The following JAKMIP3 variants were observed in gnomAD, a reference collection of about 807,000 sequenced individuals.
JAKMIP3 encodes the protein janus kinase and microtubule-interacting protein 3.
JAKMIP3 carries 58 observed loss-of-function variants against 118.5 expected under a neutral mutation model. That is an observed-to-expected ratio of 0.49 (90% CI 0.40 to 0.61). JAKMIP3 has a LOEUF of 0.61. Ranked by LOEUF, JAKMIP3 falls within the 20% of genes least tolerant of loss-of-function variation. JAKMIP3 has a pLI of 0.00. For synonymous variants in JAKMIP3, 486 were observed against 451.2 expected (o/e 1.08, Z -0.98); for missense variants, 950 against 1,109.0 (o/e 0.86, Z 2.04).
At chr10:132,041,851 T>A (rs1297681393) in intron 1 of JAKMIP3, among the ~76,000 whole-genome samples, 2 of 152,022 alleles carry the variant, frequency 1.3e-5, no homozygotes, top group Non-Finnish European at 2.9e-5. Context: ...TTTCTTTTCT[T>A]TCTTTTTTCT....
At chr10:132,150,141 C>A in intron 16 of JAKMIP3, 100 bp downstream of exon 16, 1 of 883,944 alleles carries the variant, frequency 1.1e-6, no homozygotes, top group Non-Finnish European at 1.7e-6. Context: ...CACAGCCCTG[C>A]CATGGGCCAC....
At chr10:132,162,665 T>C (rs1245714890) in intron 19 of JAKMIP3, among the ~76,000 whole-genome samples, 2 of 152,060 alleles carry the variant, frequency 1.3e-5, no homozygotes, top group African/African-American at 4.8e-5. Context: ...AGAATTTGTT[T>C]TTTACAAAGA....
Position 132,049,121 on chromosome 10 carries a change from C to G in JAKMIP3, c.-138+12383C>G, listed in dbSNP as rs138714309. The stretch of plus-strand genomic sequence containing the variant: ...TGCCTGGAAGCCTTGAGGATTTTAT[C>G]TTTAGCTCTGAAATGGAATAGTTTC... On this transcript the variant is annotated intron_variant, in intron 1 of 23. Transcript: ENST00000657785. This position sits in a 1 kb window ranked among gnomAD's most constrained non-coding sequence, Gnocchi z 4.3. Among the ~76,000 whole-genome samples, 293 of 152,252 alleles carry G rather than the reference C, an allele frequency of 1.9e-3. No homozygotes were observed. Among genetic ancestry groups the G allele is most frequent in the Admixed American group, 4.3e-3 (65 of 15,292 alleles).
At position 132,118,430 on chromosome 10, in the gene JAKMIP3, A is replaced by G. The variant is rs1243034069; in HGVS notation, c.633+856A>G. On this transcript the variant is annotated intron_variant, in intron 3 of 23. Coordinates refer to ENST00000684848, the MANE Select transcript of JAKMIP3 (RefSeq NM_001323087.2). This position sits in a 1 kb window ranked among gnomAD's most constrained non-coding sequence, Gnocchi z 4.8. ...GCGTGCCCCAGCCCTGTGCCTCTTC[A>G]GGACCCGGAGCCCCGGGCACCTTGG... Among the ~76,000 whole-genome samples, 3 of 152,304 alleles carry G rather than the reference A, an allele frequency of 2.0e-5. No individual in the cohort carries two copies. The highest frequency in any genetic ancestry group is 4.8e-5 in the African/African-American group (2 of 41,572).
intron 19 of JAKMIP3, among the ~76,000 whole-genome samples, chr10:132,156,230 C>A (rs2057077194): frequency 6.6e-6 from 1 of 152,190 alleles, no homozygotes; most frequent in Non-Finnish European, 1.5e-5. Context: ...AGTCTCTGTC[C>A]CCCGAAGCTT....
chr10:132,067,603 G>GACTGTGGGCTTCCGTGTGT (rs200850427), intron 1 of JAKMIP3, among the ~76,000 whole-genome samples: 1 of 146,970 alleles, frequency 6.8e-6, no homozygotes, highest in Admixed American at 6.7e-5. Context: ...CTTCCGTGTG[G>GACTGTGGGCTTCCGTGTGT]ACTGTGGGCT....
At chr10:132,066,850 T>C (rs4880318) in intron 1 of JAKMIP3, among the ~76,000 whole-genome samples, 116,216 of 152,090 alleles carry the variant, frequency 0.76, 45,116 homozygotes, top group East Asian at 1. Flanking sequence ...TGGCAGTACG[T>C]TGTTGTACTG....
chr10:132,146,706 G>A (rs1380919088), intron 13 of JAKMIP3, among the ~76,000 whole-genome samples: 5 of 152,224 alleles, frequency 3.3e-5, no homozygotes, highest in Non-Finnish European at 5.9e-5. Flanking sequence ...TGCAGACTCT[G>A]CACTGCTGCC....
chr10:132,165,949 G>T (rs1368162381), intron 21 of JAKMIP3, among the ~76,000 whole-genome samples: 2 of 152,256 alleles, frequency 1.3e-5, no homozygotes, highest in Admixed American at 1.3e-4. Context: ...TGGAGCCTCA[G>T]AGGGCAAAGC....
chr10:132,165,367 C>T (rs2058790534), intron 21 of JAKMIP3, among the ~76,000 whole-genome samples: 1 of 152,196 alleles, frequency 6.6e-6, no homozygotes, highest in Non-Finnish European at 1.5e-5. Flanking sequence ...AGCGCTTGTT[C>T]TCCCACGTGG....
chr10:132,043,309 A>T (rs986936639), intron 1 of JAKMIP3, among the ~76,000 whole-genome samples: 3 of 151,958 alleles, frequency 2.0e-5, no homozygotes, highest in African/African-American at 7.3e-5. Context: ...GGCTCAAGTG[A>T]TCCTCCCACC....
At chr10:132,137,379 C>T in intron 8 of JAKMIP3, 90 bp downstream of exon 8, 8 of 1,518,842 alleles carry the variant, frequency 5.3e-6, no homozygotes, top group Non-Finnish European at 7.3e-6. Context: ...TCCTCACAGA[C>T]CAGACAGAAG....
At chr10:132,134,644 G>C (rs528309140) in intron 4 of JAKMIP3, among the ~76,000 whole-genome samples, 1 of 152,210 alleles carries the variant, frequency 6.6e-6, no homozygotes, top group Non-Finnish European at 1.5e-5. Context: ...AAGGGGCAGC[G>C]GCAGGGGCCA....
chr10:132,172,364 G>A (rs2059575303), intron 23 of JAKMIP3, among the ~76,000 whole-genome samples: 1 of 152,068 alleles, frequency 6.6e-6, no homozygotes. Flanking sequence ...GGTCTCCACT[G>A]AGAAGGAGTC....
At chr10:132,148,129 GC>G in intron 14 of JAKMIP3, 79 bp downstream of exon 14, 1 of 802,448 alleles carries the variant, frequency 1.2e-6, no homozygotes, top group South Asian at 1.6e-5. Flanking sequence ...CCCACACAAA[GC>G]CCTGAACATG....
intron 3 of JAKMIP3, among the ~76,000 whole-genome samples, chr10:132,126,251 C>T (rs1355045498): frequency 6.6e-6 from 1 of 151,776 alleles, no homozygotes; most frequent in Non-Finnish European, 1.5e-5. Flanking sequence ...ATGTTAGCTG[C>T]AGGTTGGTTG....
intron 1 of JAKMIP3, among the ~76,000 whole-genome samples, chr10:132,093,300 A>G (rs2134465517): frequency 6.6e-6 from 1 of 152,332 alleles, no homozygotes; most frequent in Middle Eastern, 3.4e-3. Flanking sequence ...CAAAGCTGTC[A>G]GGGACGTTTA....
intron 1 of JAKMIP3, among the ~76,000 whole-genome samples, chr10:132,067,456 A>G (rs975480107): frequency 3.3e-5 from 5 of 152,148 alleles, no homozygotes; most frequent in Admixed American, 2.0e-4. Context: ...AACAATATCC[A>G]AACGACCAGG....
At chr10:132,040,416 A>G (rs1385963570) in intron 1 of JAKMIP3, among the ~76,000 whole-genome samples, 3 of 152,102 alleles carry the variant, frequency 2.0e-5, no homozygotes, top group South Asian at 2.1e-4. Flanking sequence ...GTATCTATAC[A>G]TCTGCTGGCT....
Sources: allele counts gnomAD v4.1 joint callset (sites outside exome capture counted in the v4.1 genomes callset), GRCh38; gene constraint gnomAD v4.1.1; non-coding constraint Gnocchi (gnomAD v3.1); transcripts MANE v1.5; gene names NCBI Gene and HGNC (gene_info 2026-07-23, HGNC 2026-07-21).